The following ELAC2 variants were observed in gnomAD, a reference collection of about 807,000 sequenced individuals.
ELAC2 encodes zinc phosphodiesterase ELAC protein 2.
ELAC2 carries 92 observed loss-of-function variants against 105.2 expected under a neutral mutation model. The observed-to-expected ratio is 0.87, with a 90% CI of 0.74 to 1.04. ELAC2 has a LOEUF of 1.04. Ranked by LOEUF, ELAC2 falls within the 50% of genes least tolerant of loss-of-function variation. The pLI is 0.00. For missense variants in ELAC2, 1,099 were observed against 1,071.7 expected, an observed-to-expected ratio of 1.03 and a Z score of -0.36; for synonymous variants, 468 against 409.1, an observed-to-expected ratio of 1.14 and a Z score of -1.74.
intron 11 of ELAC2, among the ~76,000 whole-genome samples, chr17:13,004,427 G>A (rs2040995249): frequency 6.6e-6 from 1 of 152,182 alleles, no homozygotes; most frequent in Admixed American, 6.5e-5. Flanking sequence ...TAAGAGTGGG[G>A]GAAAAGATTC....
Position 13,002,568 on chromosome 17 carries a change from T to C in ELAC2, c.1091A>G (p.Asp364Gly). 1 of 1,601,982 alleles carries C rather than the reference T, an allele frequency of 6.2e-7. No individual in the cohort carries two copies. Among genetic ancestry groups the C allele is most frequent in the South Asian group, 1.1e-5 (1 of 89,172 alleles). ...YQQWMERFGP[D>G]TQHLVLNENC... is the part of the protein sequence containing the mutation. The stretch of plus-strand genomic sequence containing the variant: ...CTCATTCAGGACCAAGTGCTGGGTG[T>C]CAGGCCCAAACCTGTGAAGAAACAG... Residue 364 changes from aspartate to glycine, a missense_variant, in exon 13 of 24, where the codon GAC (aspartate) becomes GGC (glycine). Transcript: ENST00000338034.
At chr17:13,007,782 G>A (rs1337854417) in intron 8 of ELAC2, among the ~76,000 whole-genome samples, 1 of 152,210 alleles carries the variant, frequency 6.6e-6, no homozygotes, top group African/African-American at 2.4e-5. Context: ...GGAAGCTGAT[G>A]CATGAGAATC....
At chr17:12,994,282 T>G (rs2040352901) in intron 22 of ELAC2, 143 bp downstream of exon 22, 1 of 964,546 alleles carries the variant, frequency 1.0e-6, no homozygotes, top group Admixed American at 1.7e-5. Context: ...CTGTGAGCAC[T>G]GCCACAGGTC....
rs376141450 is a variant in ELAC2, at chr17:13,003,449, C to A, written c.1079+30G>T. 9.9e-5 allele frequency: 159 copies of A among 1,604,756 alleles called. 1 individual carries two copies. The South Asian group carries it at 1.7e-3, about 17-fold the overall frequency. On this transcript the variant is annotated intron_variant, in intron 12 of 23. Transcript: ENST00000338034. ...AATCCACCACTGCCCAGAAGAGTTA[C>A]CCCAAGTGCCGCTGGGCTGGGCTCC...
intron 7 of ELAC2, 120 bp from the exon 8 acceptor site, chr17:13,010,791 CCA>C: frequency 1.1e-6 from 1 of 904,248 alleles, no homozygotes; most frequent in Non-Finnish European, 1.8e-6. Flanking sequence ...CGCTACTGTC[CCA>C]ATACAAAGGC....
At position 12,994,471 on chromosome 17, in the gene ELAC2, T is replaced by A; in HGVS notation, c.2062A>T (p.Thr688Ser). The A allele has an allele frequency of 6.2e-7, 1 of 1,614,124 alleles. No homozygotes were observed. The change falls in exon 22 of 24, where the codon ACC (threonine) becomes TCC (serine). Residue 688 changes from threonine (T) to serine (S), a missense_variant. Coordinates refer to ENST00000338034, the MANE Select transcript of ELAC2 (RefSeq NM_018127.7). ...TCCTCTTCCAAACCATCTTCCAGGG[T>A]GGCTTCATGTATCAGGAGGGTGGCA... The part of the protein sequence containing the change: ...KDATLLIHEA[T>S]LEDGLEEEAV...
intron 4 of ELAC2, among the ~76,000 whole-genome samples, chr17:13,015,483 G>C (rs1394259748): frequency 6.6e-6 from 1 of 152,210 alleles, no homozygotes; most frequent in Non-Finnish European, 1.5e-5. Context: ...CTAATAAAGT[G>C]ATTTAGTGCT....
chr17:13,010,674 G>A lies in ELAC2; in HGVS notation c.680-3C>T. On this transcript the variant is annotated splice_region_variant and splice_polypyrimidine_tract_variant and intron_variant, in intron 7 of 23. Coordinates refer to ENST00000338034, the MANE Select transcript of ELAC2 (RefSeq NM_018127.7). ...GACCCCTCTTCTCTGGCTAACACCT[G>A]AGGAAAAACACACTTGATTATCACA... is the stretch of plus-strand genomic sequence containing the variant. The A allele has an allele frequency of 6.2e-7, 1 of 1,613,816 alleles. No homozygotes were observed. The highest frequency in any genetic ancestry group is 8.5e-7 in the Non-Finnish European group (1 of 1,179,774).
At chr17:13,005,669 C>T (rs1598238172) in intron 10 of ELAC2, 84 bp downstream of exon 10, 1 of 1,411,360 alleles carries the variant, frequency 7.1e-7, no homozygotes, top group Non-Finnish European at 1.0e-6. Flanking sequence ...AAAGTGGTGT[C>T]TGTAGGGCCT....
In ELAC2 at chr17:12,992,743, G is replaced by T. The variant is rs374981739; in HGVS notation, c.*75C>A. The stretch of plus-strand genomic sequence containing the variant: ...GGACCGTGCTCTTCAGCTTCTACCA[G>T]CAAGGAGGGCAGATACGGGTGCGTG... On this transcript the variant is annotated 3_prime_UTR_variant, in exon 24 of 24. Coordinates refer to ENST00000338034, the MANE Select transcript of ELAC2 (RefSeq NM_018127.7). 6.4e-7 allele frequency: 1 copy of T among 1,560,250 alleles called. No individual in the cohort carries two copies. Among genetic ancestry groups the T allele is most frequent in the Non-Finnish European group, 8.8e-7 (1 of 1,135,236 alleles).
Position 12,995,710 on chromosome 17 carries a change from G to A in ELAC2, c.1801C>T (p.His601Tyr). 1 of 1,610,426 alleles carries A rather than the reference G, an allele frequency of 6.2e-7. No individual in the cohort carries two copies. Among genetic ancestry groups the A allele is most frequent in the Non-Finnish European group, 8.5e-7 (1 of 1,178,532 alleles). The part of the protein sequence containing the change: ...YHNQCQEVLH[H>Y]ISMIPAKCLQ... Reference sequence around the variant, plus strand: ...GCTGCCCTGGATGCTCACCTGATGTGGTGCAGGACCTCCTGGCACTGGTTG... The same window carrying A: ...GCTGCCCTGGATGCTCACCTGATGTAGTGCAGGACCTCCTGGCACTGGTTG... Residue 601 changes from histidine to tyrosine, a missense_variant, in exon 19 of 24, where the codon CAC becomes TAC. By Grantham distance (83) the His-to-Tyr change is moderately conservative. Coordinates refer to ENST00000338034, the MANE Select transcript of ELAC2 (RefSeq NM_018127.7).
At chr17:12,994,184 A>G (rs1223403435) in intron 22 of ELAC2, among the ~76,000 whole-genome samples, 2 of 152,162 alleles carry the variant, frequency 1.3e-5, no homozygotes, top group Non-Finnish European at 2.9e-5. Context: ...CTTATAGTTT[A>G]TTCAGCCGAT....
rs2143660095 is a variant in ELAC2 at position 13,011,513 on chromosome 17, C to T, written c.679+150G>A. 4.5e-6 allele frequency: 6 copies of T among 1,334,228 alleles called. No individual in the cohort carries two copies. The East Asian group carries it at 1.4e-4, about 32-fold the overall frequency. The allele number at this position is 1,334,228 out of a possible 1,614,324, so 82.6% of individuals were successfully genotyped here. ...ACCTTTACAACAACCCTTCTCATTC[C>T]CCCAACGGGCCAAGTTATAGTAAGC... On this transcript the variant is annotated intron_variant, in intron 7 of 23. Transcript: ENST00000338034.
chr17:13,007,389 T>C (rs8079600), intron 8 of ELAC2, among the ~76,000 whole-genome samples: 41,895 of 152,086 alleles, frequency 0.28, 5,941 homozygotes, highest in Middle Eastern at 0.33. Context: ...CTGAAATCCT[T>C]ATTCTCAGGG....
intron 8 of ELAC2, 122 bp downstream of exon 8, chr17:13,010,491 C>G: frequency 1.1e-6 from 1 of 904,452 alleles, no homozygotes; most frequent in Non-Finnish European, 1.8e-6. Context: ...TTCTGAAGAT[C>G]TGCTATCTCT....
At chr17:13,006,016 T>G (rs2041089003) in intron 8 of ELAC2, 37 bp from the exon 9 acceptor site, 1 of 1,593,840 alleles carries the variant, frequency 6.3e-7, no homozygotes, top group African/African-American at 1.3e-5. Context: ...TCTTAGGGGC[T>G]AATGAAGAAG....
At chr17:13,007,032 C>T (rs911701364) in intron 8 of ELAC2, among the ~76,000 whole-genome samples, 1 of 151,432 alleles carries the variant, frequency 6.6e-6, no homozygotes, top group African/African-American at 2.4e-5. Context: ...GAGGCAGGAA[C>T]CCAGGAGGCG....
In ELAC2 at chr17:12,992,314, C is replaced by G. The variant is rs912097214; in HGVS notation, c.*504G>C. ...ACCAGGCAGCTGCCACACTACAGCA[C>G]AGAGAGCCTTCTCCAAGGTGGTGCA... On this transcript the variant is annotated 3_prime_UTR_variant, in exon 24 of 24. Coordinates refer to ENST00000338034, the MANE Select transcript of ELAC2 (RefSeq NM_018127.7). 2 of 260,330 alleles carry G rather than the reference C, an allele frequency of 7.7e-6. No homozygotes were observed. Among genetic ancestry groups the G allele is most frequent in the Non-Finnish European group, 1.5e-5 (2 of 132,892 alleles). 16.1% of individuals were successfully genotyped at this position (260,330 alleles called of 1,614,324 possible).
Position 13,002,499 on chromosome 17 carries a change from G to C in ELAC2, c.1160C>G (p.Thr387Ser). Residue 387 changes from threonine to serine, a missense_variant, in exon 13 of 24, where the codon ACC becomes AGC. Transcript: ENST00000338034. Reference protein sequence around the residue: ...VHNLRSHKIQTQLNLIHPDIF... With the variant: ...VHNLRSHKIQSQLNLIHPDIF... ...GTCCGGGTGGATGAGGTTGAGCTGG[G>C]TTTGAATCTTGTGGCTGCGAAGGTT... 1 of 1,607,414 alleles carries C rather than the reference G, an allele frequency of 6.2e-7. No individual in the cohort carries two copies. Among genetic ancestry groups the C allele is most frequent in the Non-Finnish European group, 8.5e-7 (1 of 1,176,478 alleles).
Sources: gnomAD v4.1 joint callset for allele counts (sites outside exome capture counted in the v4.1 genomes callset) on GRCh38, gnomAD v4.1.1 for gene constraint, MANE v1.5 for transcripts, NCBI Gene and HGNC (gene_info 2026-07-23, HGNC 2026-07-21) for gene names.